Variants in ADCY1 observed in about 807,000 individuals in gnomAD.
ADCY1 encodes the protein adenylate cyclase type 1.
A neutral mutation model predicts 105.4 loss-of-function variants in ADCY1; 28 were observed. That is an observed-to-expected ratio of 0.27 (90% CI 0.20 to 0.36). ADCY1 has a LOEUF of 0.36. Ranked by LOEUF, ADCY1 falls within the 10% of genes least tolerant of loss-of-function variation. The pLI is 1.00. For missense variants in ADCY1, 977 were observed against 1,434.2 expected (o/e 0.68, Z 5.15); for synonymous variants, 655 against 623.8 (o/e 1.05, Z -0.75).
At chr7:45,589,013 G>C (rs902246248) in intron 1 of ADCY1, among the ~76,000 whole-genome samples, 3 of 152,068 alleles carry the variant, frequency 2.0e-5, no homozygotes, top group African/African-American at 7.2e-5. Context: ...TTCTCCTTAG[G>C]TCTCTTTGAT....
chr7:45,643,675 G>T (rs1434242781), intron 4 of ADCY1, among the ~76,000 whole-genome samples: 2 of 152,036 alleles, frequency 1.3e-5, no homozygotes, highest in Non-Finnish European at 2.9e-5. Flanking sequence ...TAATTGCATG[G>T]TTCAGTTCCA....
chr7:45,680,271 A>C, intron 11 of ADCY1: 1 of 196,728 alleles, frequency 5.1e-6, no homozygotes, highest in East Asian at 1.2e-4. Context: ...TGTTTATGTC[A>C]CAGACTTTGG....
chr7:45,610,890 G>GAGGTGGGGAGGTGA (rs1793553965), intron 3 of ADCY1, among the ~76,000 whole-genome samples: 2 of 1,692 alleles, frequency 1.2e-3, no homozygotes, highest in African/African-American at 3.7e-3. Context: ...GAAGGTGATG[G>GAGGTGGGGAGGTGA]TGGAGGTGGG....
At chr7:45,670,848 G>T (rs1251495319) in intron 8 of ADCY1, among the ~76,000 whole-genome samples, 2 of 152,116 alleles carry the variant, frequency 1.3e-5, no homozygotes, top group East Asian at 3.9e-4. Context: ...CTGGACATGT[G>T]TCCATCAGCC....
intron 5 of ADCY1, among the ~76,000 whole-genome samples, chr7:45,650,595 C>T (rs985100500): frequency 3.3e-5 from 5 of 152,242 alleles, no homozygotes; most frequent in Admixed American, 2.6e-4. Flanking sequence ...GCCTTCTGCC[C>T]TTGAAGGTTG....
At chr7:45,651,070 G>A (rs1794796453) in intron 5 of ADCY1, among the ~76,000 whole-genome samples, 1 of 152,042 alleles carries the variant, frequency 6.6e-6, no homozygotes. Flanking sequence ...CTAGTGCCAG[G>A]GGCATCTTCC....
intron 2 of ADCY1, among the ~76,000 whole-genome samples, chr7:45,601,223 C>T (rs1232750509): frequency 6.6e-6 from 1 of 152,100 alleles, no homozygotes; most frequent in East Asian, 1.9e-4. Context: ...GGGGACGGTC[C>T]CTTCCTGCTG....
chr7:45,651,855 G>A (rs753977846), intron 5 of ADCY1, among the ~76,000 whole-genome samples: 6 of 152,214 alleles, frequency 3.9e-5, no homozygotes, highest in Non-Finnish European at 8.8e-5. Context: ...CCCACAGAGA[G>A]GTCTGTTCCA....
At chr7:45,614,580 T>G (rs1310312310) in intron 3 of ADCY1, among the ~76,000 whole-genome samples, 2 of 152,016 alleles carry the variant, frequency 1.3e-5, no homozygotes, top group Non-Finnish European at 2.9e-5. Flanking sequence ...AACTCCCCAG[T>G]CAAAACACAT....
At chr7:45,711,607 G>GTATATATATATA (rs71030888) in intron 19 of ADCY1, among the ~76,000 whole-genome samples, 82 of 70,582 alleles carry the variant, frequency 1.2e-3, no homozygotes, top group South Asian at 5.5e-3. Flanking sequence ...ACTTCGTGCT[G>GTATATATATATA]TATATATATA....
At chr7:45,599,337 C>G (rs1039650697) in intron 2 of ADCY1, among the ~76,000 whole-genome samples, 6 of 151,826 alleles carry the variant, frequency 4.0e-5, no homozygotes, top group African/African-American at 1.5e-4. Context: ...GCGTCTTGTT[C>G]CCCTGTGGCT....
chr7:45,707,232 G>A (rs1012510678), intron 17 of ADCY1, among the ~76,000 whole-genome samples: 2 of 152,184 alleles, frequency 1.3e-5, no homozygotes, highest in African/African-American at 4.8e-5. Flanking sequence ...GAGAACTTAT[G>A]TCCATGAGTA....
rs1785501768 is a variant in ADCY1 at position 45,722,777 on chromosome 7, G to T, written c.*8782G>T. 6.6e-6 allele frequency: 1 copy of T among 152,580 alleles called. No homozygotes were observed. Among genetic ancestry groups the T allele is most frequent in the Non-Finnish European group, 1.5e-5 (1 of 68,028 alleles). 9.5% of individuals were successfully genotyped at this position (152,580 alleles called of 1,614,324 possible). On this transcript the variant is annotated 3_prime_UTR_variant, in exon 20 of 20. Transcript: ENST00000297323. Reference sequence around the variant, plus strand: ...ATTTTCTCGCACAATACAACTCACTGAGGATGCTTCTGTAGAAGTGAGAAA... The same window carrying T: ...ATTTTCTCGCACAATACAACTCACTTAGGATGCTTCTGTAGAAGTGAGAAA...
At chr7:45,637,999 CT>C (rs958353065) in intron 4 of ADCY1, among the ~76,000 whole-genome samples, 4 of 152,048 alleles carry the variant, frequency 2.6e-5, no homozygotes, top group African/African-American at 9.7e-5. Context: ...TCTCTGTCTA[CT>C]TTTTTTTCTT....
Position 45,686,283 on chromosome 7 carries a change from G to A in ADCY1, c.2327+68G>A. 1 of 1,541,810 alleles carries A rather than the reference G, an allele frequency of 6.5e-7. No homozygotes were observed. The highest frequency in any genetic ancestry group is 1.4e-5 in the African/African-American group (1 of 73,302). On this transcript the variant is annotated intron_variant, in intron 13 of 19. Coordinates refer to ENST00000297323, the MANE Select transcript of ADCY1 (RefSeq NM_021116.4). This position sits in a 1 kb window ranked among gnomAD's most constrained non-coding sequence, Gnocchi z 4.3. ...CTACTGAATCTGTGTATACAGATAT[G>A]CACTACAGGCTTCTGAGTCCAGAAC...
chr7:45,644,576 T>G (rs1794610700), intron 4 of ADCY1, among the ~76,000 whole-genome samples: 1 of 152,326 alleles, frequency 6.6e-6, no homozygotes, highest in African/African-American at 2.4e-5. Flanking sequence ...CACCTGCCTG[T>G]AGTCCTGTCC....
chr7:45,688,823 T>C (rs951228449), intron 14 of ADCY1, among the ~76,000 whole-genome samples: 2 of 152,004 alleles, frequency 1.3e-5, no homozygotes, highest in Non-Finnish European at 2.9e-5. Flanking sequence ...CCTGTAACGA[T>C]TACTATAATC....
At position 45,703,262 on chromosome 7, in the gene ADCY1, G is replaced by A. The variant is rs1019710179; in HGVS notation, c.2455-114G>A. The A allele has an allele frequency of 2.2e-5, 21 of 936,972 alleles. No individual in the cohort carries two copies. Among genetic ancestry groups the A allele is most frequent in the Non-Finnish European group, 3.6e-5 (21 of 575,704 alleles). 58.0% of individuals were successfully genotyped at this position (936,972 alleles called of 1,614,324 possible). ...GGGGAGGAGGGACAGGAGCGTGGAT[G>A]TAGACCATCAGCACACCTGGAGTCC... On this transcript the variant is annotated intron_variant, in intron 14 of 19. Coordinates refer to ENST00000297323, the MANE Select transcript of ADCY1 (RefSeq NM_021116.4). This position sits in a 1 kb window ranked among gnomAD's most constrained non-coding sequence, Gnocchi z 5.9.
chr7:45,684,298 T>G (rs948384365), intron 11 of ADCY1: 5 of 152,260 alleles, frequency 3.3e-5, no homozygotes, highest in African/African-American at 1.2e-4. Flanking sequence ...TTTTCTCAAC[T>G]GTAGAGCGGA....
Sources: gnomAD v4.1 joint callset for allele counts (sites outside exome capture counted in the v4.1 genomes callset) on GRCh38, gnomAD v4.1.1 for gene constraint, Gnocchi (gnomAD v3.1) non-coding constraint, MANE v1.5 for transcripts, NCBI Gene and HGNC (gene_info 2026-07-23, HGNC 2026-07-21) for gene names.